Variants in COL25A1 observed in about 807,000 individuals in gnomAD.
The protein encoded by COL25A1 is collagen alpha-1(XXV) chain.
Under a neutral mutation model 128.4 loss-of-function variants are expected in COL25A1, and 103 were observed. That is an observed-to-expected ratio of 0.80 (90% CI 0.68 to 0.94). The LOEUF (loss-of-function observed/expected upper bound fraction) is 0.94. Ranked by LOEUF, COL25A1 falls within the 40% of genes least tolerant of loss-of-function variation. The pLI, the probability that COL25A1 is intolerant of heterozygous loss-of-function variation, is 0.00. For synonymous variants in COL25A1, 279 were observed against 277.2 expected (o/e 1.01, Z -0.06); for missense variants, 745 against 840.0 (o/e 0.89, Z 1.40).
chr4:109,183,412 C>A (rs1286905809), intron 3 of COL25A1, among the ~76,000 whole-genome samples: 2 of 152,144 alleles, frequency 1.3e-5, no homozygotes, highest in African/African-American at 4.8e-5. Context: ...CCCTCAGGAG[C>A]AAACAACAAG....
chr4:109,262,146 G>A (rs1781497084), intron 3 of COL25A1, among the ~76,000 whole-genome samples: 1 of 152,052 alleles, frequency 6.6e-6, no homozygotes, highest in Non-Finnish European at 1.5e-5. Context: ...GTTCATTTGA[G>A]AGCATTTCTG....
intron 3 of COL25A1, among the ~76,000 whole-genome samples, chr4:109,076,578 A>C (rs60381057): frequency 6.6e-6 from 1 of 152,132 alleles, no homozygotes; most frequent in African/African-American, 2.4e-5. Flanking sequence ...TTTGTAGAAG[A>C]GAATTTTTCC....
chr4:109,198,642 C>T (rs1046506573), intron 3 of COL25A1, among the ~76,000 whole-genome samples: 2 of 152,140 alleles, frequency 1.3e-5, no homozygotes, highest in African/African-American at 4.8e-5. Context: ...CTAGAGCCTC[C>T]CTTCTGAACA....
chr4:108,999,144 A>G (rs1266615565), intron 6 of COL25A1, among the ~76,000 whole-genome samples: 1 of 152,230 alleles, frequency 6.6e-6, no homozygotes, highest in African/African-American at 2.4e-5. Context: ...GAGCTTCTGC[A>G]CAGCAAAAGA....
intron 3 of COL25A1, among the ~76,000 whole-genome samples, chr4:109,184,889 A>G (rs1774995297): frequency 6.6e-6 from 1 of 152,152 alleles, no homozygotes; most frequent in African/African-American, 2.4e-5. Flanking sequence ...AAACTATTAC[A>G]AAGCTCCTGT....
chr4:109,090,795 T>C (rs534281223), intron 3 of COL25A1, among the ~76,000 whole-genome samples: 1 of 152,304 alleles, frequency 6.6e-6, no homozygotes, highest in South Asian at 2.1e-4. Context: ...TGTAACTACT[T>C]GGGAAACAGT....
chr4:109,001,421 G>A (rs1755395701), intron 6 of COL25A1, among the ~76,000 whole-genome samples: 1 of 152,254 alleles, frequency 6.6e-6, no homozygotes, highest in South Asian at 2.1e-4. Flanking sequence ...TGTCAGGTAG[G>A]CAGTGAGCTA....
rs1288702129 is a variant in COL25A1 at position 108,832,413 on chromosome 4, T to C, written c.1677A>G (p.Gly559=). 1.2e-6 allele frequency: 2 copies of C among 1,610,254 alleles called. No individual in the cohort carries two copies. Among genetic ancestry groups the C allele is most frequent in the East Asian group, 2.2e-5 (1 of 44,816 alleles). ...PGPKGTDGPM[G]PHGPAGPKGE... is the part of the protein sequence containing the mutation. ...CTTTGGGACCTGCAGGGCCATGGGG[T>C]CCCATAGGACCATCTGTACCCTAAA... The change falls in exon 32 of 38, where the codon GGA becomes GGG. Residue 559 remains glycine (G), a synonymous_variant. Coordinates refer to ENST00000399132, the MANE Select transcript of COL25A1 (RefSeq NM_198721.4).
chr4:108,942,804 G>A (rs183935012), intron 8 of COL25A1, among the ~76,000 whole-genome samples: 11 of 128,974 alleles, frequency 8.5e-5, no homozygotes, highest in African/African-American at 2.8e-4. Context: ...CACCCAGGCC[G>A]CAGTGCAGTG....
intron 3 of COL25A1, among the ~76,000 whole-genome samples, chr4:109,078,904 A>C (rs1050723119): frequency 1.3e-5 from 2 of 152,216 alleles, no homozygotes; most frequent in Admixed American, 6.5e-5. Flanking sequence ...GTTCTGGGGA[A>C]AGAGTAGCCT....
chr4:109,041,481 C>T (rs552149026), intron 5 of COL25A1, among the ~76,000 whole-genome samples: 15 of 151,966 alleles, frequency 9.9e-5, no homozygotes, highest in Admixed American at 3.3e-4. Flanking sequence ...CCACATTATT[C>T]CCAAGTGATA....
chr4:108,829,651 C>CTTTTTTTTTTTTTTTTTTTTTTTTT, intron 32 of COL25A1, among the ~76,000 whole-genome samples: 1 of 152,148 alleles, frequency 6.6e-6, no homozygotes, highest in African/African-American at 2.4e-5. Flanking sequence ...TTGTCTTATT[C>CTTTTTTTTTTTTTTTTTTTTTTTTT]TTAAAACAAA....
At chr4:109,142,141 G>A (rs370173390) in intron 3 of COL25A1, among the ~76,000 whole-genome samples, 41 of 152,128 alleles carry the variant, frequency 2.7e-4, no homozygotes, top group African/African-American at 9.6e-4. Context: ...TGTTCTCATT[G>A]GTTTCAAAGA....
chr4:109,204,227 A>G lies in COL25A1; in HGVS notation c.367+96356T>C, dbSNP rs192551506. Among the ~76,000 whole-genome samples, 435 of 152,282 alleles carry G rather than the reference A, an allele frequency of 2.9e-3. 1 individual carries two copies. The highest frequency in any genetic ancestry group is 4.1e-3 in the Non-Finnish European group (282 of 68,002). On this transcript the variant is annotated intron_variant, in intron 3 of 37. Transcript: ENST00000399132. Reference sequence around the variant, plus strand: ...GTTTTAAAACTATATACCTATATTAATGTCATTTAAAATTTCAAAGGAAAA... The same window carrying G: ...GTTTTAAAACTATATACCTATATTAGTGTCATTTAAAATTTCAAAGGAAAA...
chr4:108,965,938 G>T (rs1751247264), intron 8 of COL25A1, among the ~76,000 whole-genome samples: 1 of 152,184 alleles, frequency 6.6e-6, no homozygotes, highest in South Asian at 2.1e-4. Flanking sequence ...TTATCCTGAA[G>T]AAACAATTAC....
intron 19 of COL25A1, among the ~76,000 whole-genome samples, chr4:108,876,595 T>C (rs1739485730): frequency 6.6e-6 from 1 of 152,160 alleles, no homozygotes; most frequent in East Asian, 1.9e-4. Context: ...ATAAAATATA[T>C]ATAACATTAT....
chr4:108,857,912 A>G (rs1291489824), intron 24 of COL25A1, among the ~76,000 whole-genome samples: 1 of 152,160 alleles, frequency 6.6e-6, no homozygotes, highest in East Asian at 1.9e-4. Flanking sequence ...TTTGATTTTA[A>G]ATAGTAAACC....
At chr4:109,297,952 T>C (rs1051262798) in intron 3 of COL25A1, among the ~76,000 whole-genome samples, 5 of 149,948 alleles carry the variant, frequency 3.3e-5, no homozygotes, top group Non-Finnish European at 5.9e-5. Flanking sequence ...CACAGCTATT[T>C]AGTACTAGAT....
chr4:109,116,411 C>T (rs781403741), intron 3 of COL25A1, among the ~76,000 whole-genome samples: 2 of 152,000 alleles, frequency 1.3e-5, no homozygotes, highest in African/African-American at 2.4e-5. Flanking sequence ...CTTCCTCTAG[C>T]CATGTTATCC....
Sources: gnomAD v4.1 joint callset for allele counts (sites outside exome capture counted in the v4.1 genomes callset) on GRCh38, gnomAD v4.1.1 for gene constraint, MANE v1.5 for transcripts, NCBI Gene and HGNC (gene_info 2026-07-23, HGNC 2026-07-21) for gene names.